The following ADNP variants were observed in gnomAD, a reference collection of about 807,000 sequenced individuals.
ADNP encodes the protein activity dependent neuroprotector homeobox.
Under a neutral mutation model 84.9 loss-of-function variants are expected in ADNP, and 4 were observed. That is an observed-to-expected ratio of 0.05 (90% CI 0.02 to 0.11). ADNP has a LOEUF of 0.11. Ranked by LOEUF, ADNP falls within the 10% of genes least tolerant of loss-of-function variation. The pLI, the probability that ADNP is intolerant of heterozygous loss-of-function variation, is 1.00. For synonymous variants in ADNP, 554 were observed against 468.1 expected (o/e 1.18, Z -2.37); for missense variants, 1,132 against 1,326.0 (o/e 0.85, Z 2.27).
Position 50,894,093 on chromosome 20 carries a change from C to A in ADNP, c.621G>T (p.Gly207=), listed in dbSNP as rs1322060540. Residue 207 remains glycine, a synonymous_variant, in exon 6 of 6, where the codon GGG becomes GGT. Transcript: ENST00000621696. The part of the protein sequence containing the change: ...IAKAGEKSLN[G]AVPLGSNARE... Reference sequence around the variant, plus strand: ...GGGCATTCGAGCCTAAGGGGACTGCCCCATTGAGTGATTTTTCTCCTGCCT... The same window carrying A: ...GGGCATTCGAGCCTAAGGGGACTGCACCATTGAGTGATTTTTCTCCTGCCT... The A allele has an allele frequency of 1.2e-6, 2 of 1,613,992 alleles. No individual in the cohort carries two copies. Among genetic ancestry groups the A allele is most frequent in the Non-Finnish European group, 1.7e-6 (2 of 1,180,018 alleles).
chr20:50,897,352 C>G (rs1341397664), intron 5 of ADNP, among the ~76,000 whole-genome samples: 1 of 152,314 alleles, frequency 6.6e-6, no homozygotes, highest in East Asian at 1.9e-4. Context: ...TCTCTTTCCT[C>G]TTCACCTATG....
At chr20:50,929,004 C>T (rs1430596892) in intron 1 of ADNP, among the ~76,000 whole-genome samples, 179 bp from the exon 2 acceptor site, 1 of 152,146 alleles carries the variant, frequency 6.6e-6, no homozygotes, top group African/African-American at 2.4e-5. Context: ...CACTTGAGTT[C>T]GACAATGAAG....
intron 2 of ADNP, chr20:50,914,021 T>A: frequency 2.7e-6 from 2 of 753,832 alleles, no homozygotes; most frequent in South Asian, 2.7e-5. Context: ...GGTGCTCAAG[T>A]GAATGCTGTC....
chr20:50,913,137 C>T (rs775761927), intron 2 of ADNP, among the ~76,000 whole-genome samples: 7 of 151,196 alleles, frequency 4.6e-5, no homozygotes, highest in Non-Finnish European at 8.8e-5. Flanking sequence ...CCTGTAATCC[C>T]AGCTATTTGG....
At chr20:50,919,950 G>A (rs1485050694) in intron 2 of ADNP, among the ~76,000 whole-genome samples, 1 of 152,146 alleles carries the variant, frequency 6.6e-6, no homozygotes, top group African/African-American at 2.4e-5. Context: ...AGGTAACGAA[G>A]TACAGAAGGG....
intron 2 of ADNP, among the ~76,000 whole-genome samples, chr20:50,910,574 A>G (rs1030181014): frequency 6.6e-6 from 1 of 152,196 alleles, no homozygotes. Flanking sequence ...GTGACAGAGT[A>G]AGGCCCTGCC....
intron 5 of ADNP, 78 bp downstream of exon 5, chr20:50,901,939 C>T: frequency 1.9e-6 from 2 of 1,079,826 alleles, no homozygotes; most frequent in South Asian, 1.3e-5. Context: ...AATCACTGCA[C>T]CGCTATAAAA....
At chr20:50,929,460 G>C (rs962000306) in intron 1 of ADNP, among the ~76,000 whole-genome samples, 2 of 152,230 alleles carry the variant, frequency 1.3e-5, no homozygotes, top group Admixed American at 6.5e-5. Flanking sequence ...AAGAGTGCGA[G>C]TGTGTCTTGC....
Position 50,893,636 on chromosome 20 carries a change from G to T in ADNP, c.1078C>A (p.Pro360Thr). 5.0e-6 allele frequency: 8 copies of T among 1,614,164 alleles called. No individual in the cohort carries two copies. Among genetic ancestry groups the T allele is most frequent in the Non-Finnish European group, 6.8e-6 (8 of 1,180,026 alleles). ...GLGGNAPVSI[P>T]QQSQSVKQLL... ...TGCTTTACAGACTGAGATTGTTGAGGAATGGAAACTGGTGCGTTGCCACCT... is the reference window on the plus strand; with the variant it reads ...TGCTTTACAGACTGAGATTGTTGAGTAATGGAAACTGGTGCGTTGCCACCT... Residue 360 changes from proline (P) to threonine (T), a missense_variant, in exon 6 of 6, where the codon CCT becomes ACT. By Grantham distance (38) the Pro-to-Thr change is conservative. Coordinates refer to ENST00000621696, the MANE Select transcript of ADNP (RefSeq NM_001282531.3). The surrounding 1 kb of genome is among the most constrained non-coding windows in gnomAD (Gnocchi z 4.4).
intron 2 of ADNP, among the ~76,000 whole-genome samples, chr20:50,906,227 A>G (rs907161732): frequency 6.6e-6 from 1 of 152,166 alleles, no homozygotes; most frequent in South Asian, 2.1e-4. Context: ...ACAAACAAAA[A>G]ACACATACAG....
In ADNP at chr20:50,891,435, G is replaced by A. The variant is rs142247083; in HGVS notation, c.3279C>T (p.Ala1093=). The A allele has an allele frequency of 1.8e-3, 2,891 of 1,610,974 alleles. 7 individuals carry two copies. The highest frequency in any genetic ancestry group is 2.3e-3 in the Non-Finnish European group (2,714 of 1,179,262). The part of the protein sequence containing the change: ...GVAEPMHGSL[A]GVKLSSQQA ...CCTGTTGGCTGCTCAGTTTAACTCC[G>A]GCTAAGCTGCCATGCATGGGCTCAG... The change falls in exon 6 of 6, where the codon GCC becomes GCT. Residue 1093 remains alanine, a synonymous_variant. Coordinates refer to ENST00000621696, the MANE Select transcript of ADNP (RefSeq NM_001282531.3).
chr20:50,926,939 G>C (rs574919322), intron 2 of ADNP, among the ~76,000 whole-genome samples: 38 of 142,504 alleles, frequency 2.7e-4, no homozygotes, highest in African/African-American at 9.0e-4. Flanking sequence ...CAATAAACTT[G>C]AGTATTTTAG....
chr20:50,895,387 T>C (rs1012326778), intron 5 of ADNP, among the ~76,000 whole-genome samples: 4 of 152,212 alleles, frequency 2.6e-5, no homozygotes, highest in African/African-American at 9.7e-5. Context: ...TAAACATAGC[T>C]GAGCACAGAA....
chr20:50,901,222 G>C (rs1391818227), intron 5 of ADNP, among the ~76,000 whole-genome samples: 3 of 149,766 alleles, frequency 2.0e-5, no homozygotes, highest in African/African-American at 7.4e-5. Context: ...TCAGCTATGA[G>C]GCTTTCAGAT....
chr20:50,930,453 TG>T (rs1194573847), intron 1 of ADNP, among the ~76,000 whole-genome samples: 1 of 97,460 alleles, frequency 1.0e-5, no homozygotes, highest in Non-Finnish European at 2.1e-5. Context: ...CTTTTGGGGG[TG>T]GGGGGCGGAC....
rs1489755398 is a variant in ADNP at position 50,889,739 on chromosome 20, T to C, written c.*1666A>G. On this transcript the variant is annotated 3_prime_UTR_variant, in exon 6 of 6. Coordinates refer to ENST00000621696, the MANE Select transcript of ADNP (RefSeq NM_001282531.3). ...TTAATTGCTGGAAATGTTGGCCTAA[T>C]TCTGCTTCCTTGTAACTTTCTGCTT... The C allele has an allele frequency of 3.8e-5, 15 of 395,534 alleles. No homozygotes were observed. Among genetic ancestry groups the C allele is most frequent in the Non-Finnish European group, 2.2e-5 (5 of 224,666 alleles). 24.5% of individuals were successfully genotyped at this position (395,534 alleles called of 1,614,324 possible). A position where few individuals can be genotyped will look rare whatever the true frequency, so the allele number is the denominator to read the frequency against.
At chr20:50,913,731 G>A (rs1983271013) in intron 2 of ADNP, 1 of 344,102 alleles carries the variant, frequency 2.9e-6, no homozygotes, top group Non-Finnish European at 5.7e-6. Context: ...AAGCAAAACA[G>A]ACGGGTGTGT....
chr20:50,917,460 A>G (rs1600984275), intron 2 of ADNP, among the ~76,000 whole-genome samples: 1 of 152,260 alleles, frequency 6.6e-6, no homozygotes, highest in African/African-American at 2.4e-5. Flanking sequence ...CATAATGGTA[A>G]TATCTTGTAA....
intron 2 of ADNP, among the ~76,000 whole-genome samples, chr20:50,926,328 TAA>T (rs1203220354): frequency 6.6e-6 from 1 of 152,232 alleles, no homozygotes; most frequent in Non-Finnish European, 1.5e-5. Context: ...GATGCTCTTT[TAA>T]AAACTCCTTT....
Sources: gnomAD v4.1 joint callset for allele counts (sites outside exome capture counted in the v4.1 genomes callset) on GRCh38, gnomAD v4.1.1 for gene constraint, Gnocchi (gnomAD v3.1) non-coding constraint, MANE v1.5 for transcripts, NCBI Gene and HGNC (gene_info 2026-07-23, HGNC 2026-07-21) for gene names.